Variants in DCLK1 observed in about 807,000 individuals in gnomAD.
DCLK1 encodes doublecortin like kinase 1, also known as serine/threonine-protein kinase DCLK1.
Under a neutral mutation model 86.2 loss-of-function variants are expected in DCLK1, and 16 were observed. The observed-to-expected ratio is 0.19, with a 90% CI of 0.13 to 0.28. The LOEUF (loss-of-function observed/expected upper bound fraction) is 0.28. Ranked by LOEUF, DCLK1 falls within the 10% of genes least tolerant of loss-of-function variation. The pLI, the probability that DCLK1 is intolerant of heterozygous loss-of-function variation, is 1.00. For synonymous variants in DCLK1, 369 were observed against 370.5 expected, an observed-to-expected ratio of 1.00 and a Z score of 0.05; for missense variants, 590 against 940.2, an observed-to-expected ratio of 0.63 and a Z score of 4.87.
chr13:35,913,257 TA>T (rs909739444), intron 4 of DCLK1, among the ~76,000 whole-genome samples: 113 of 152,292 alleles, frequency 7.4e-4, no homozygotes, highest in African/African-American at 2.6e-3. Context: ...AAAGCACTAT[TA>T]ATGCAGGGTC....
chr13:35,881,609 C>A (rs1872907186), intron 4 of DCLK1, among the ~76,000 whole-genome samples: 1 of 152,182 alleles, frequency 6.6e-6, no homozygotes, highest in Non-Finnish European at 1.5e-5. Flanking sequence ...TAGCTGACTG[C>A]AGCACTTGGC....
chr13:36,088,536 G>A lies in DCLK1; in HGVS notation c.723+23333C>T, dbSNP rs115758797. Among the ~76,000 whole-genome samples, 492 of 152,348 alleles carry A rather than the reference G, an allele frequency of 3.2e-3. 3 individuals carry two copies. Among genetic ancestry groups the A allele is most frequent in the African/African-American group, 0.011 (465 of 41,566 alleles). Reference sequence around the variant, plus strand: ...GAAAGGACAGGCTCTTTTCTGTATTGAGAAAGAAGTGGCATAGGGTAGAGA... The same window carrying A: ...GAAAGGACAGGCTCTTTTCTGTATTAAGAAAGAAGTGGCATAGGGTAGAGA... On this transcript the variant is annotated intron_variant, in intron 3 of 16. Transcript: ENST00000360631.
At chr13:35,953,137 A>C (rs144617014) in intron 3 of DCLK1, among the ~76,000 whole-genome samples, 51 of 152,372 alleles carry the variant, frequency 3.3e-4, no homozygotes, top group Middle Eastern at 3.4e-3. Context: ...TTCAATATAC[A>C]TGATAACACT....
Position 36,112,219 on chromosome 13 carries a change from A to G in DCLK1, c.377-4T>C. 1 of 1,533,082 alleles carries G rather than the reference A, an allele frequency of 6.5e-7. No homozygotes were observed. Among genetic ancestry groups the G allele is most frequent in the Admixed American group, 2.0e-5 (1 of 48,842 alleles). 95.0% of individuals were successfully genotyped at this position (1,533,082 alleles called of 1,614,324 possible). A position where few individuals can be genotyped will look rare whatever the true frequency, so the allele number is the denominator to read the frequency against. ...GAGCCACATACATAACTCTCTCCTA[A>G]GGAAGAGAGAAATATATTTAAATTT... On this transcript the variant is annotated splice_region_variant and splice_polypyrimidine_tract_variant and intron_variant, in intron 2 of 16. Coordinates refer to ENST00000360631, the MANE Select transcript of DCLK1 (RefSeq NM_001330071.2).
At chr13:35,867,899 G>A (rs1240499313) in intron 5 of DCLK1, among the ~76,000 whole-genome samples, 4 of 75,040 alleles carry the variant, frequency 5.3e-5, no homozygotes, top group Admixed American at 1.5e-4. Context: ...GAGAAAGAGA[G>A]AAAGAAAGAA....
intron 4 of DCLK1, among the ~76,000 whole-genome samples, chr13:35,917,641 A>C (rs889461325): frequency 6.6e-6 from 1 of 152,206 alleles, no homozygotes; most frequent in African/African-American, 2.4e-5. Context: ...ACAACAACTG[A>C]AAACAAAAAG....
At position 36,079,950 on chromosome 13, in the gene DCLK1, A is replaced by G. The variant is rs138869778; in HGVS notation, c.723+31919T>C. On this transcript the variant is annotated intron_variant, in intron 3 of 16. Coordinates refer to ENST00000360631, the MANE Select transcript of DCLK1 (RefSeq NM_001330071.2). ...AAAAATGGTGCAGCACATACATCAC[A>G]CATTACTTATCCTTACCAATGACAT... Among the ~76,000 whole-genome samples the G allele has an allele frequency of 1.9e-3, 296 of 152,330 alleles. 1 individual carries two copies. Among genetic ancestry groups the G allele is most frequent in the Admixed American group, 4.2e-3 (65 of 15,308 alleles).
chr13:36,064,779 T>TGAAA (rs575950301), intron 3 of DCLK1, among the ~76,000 whole-genome samples: 121 of 151,144 alleles, frequency 8.0e-4, no homozygotes, highest in African/African-American at 2.9e-3. Flanking sequence ...TAATGAAACA[T>TGAAA]GAAAGTTCAG....
At chr13:36,089,399 A>T (rs1273112597) in intron 3 of DCLK1, among the ~76,000 whole-genome samples, 1 of 152,166 alleles carries the variant, frequency 6.6e-6, no homozygotes, top group African/African-American at 2.4e-5. Context: ...TTGTGCAGTT[A>T]ATATAACTCT....
chr13:36,036,135 A>G (rs1263468113), intron 3 of DCLK1, among the ~76,000 whole-genome samples: 1 of 152,112 alleles, frequency 6.6e-6, no homozygotes, highest in Non-Finnish European at 1.5e-5. Context: ...CCATTGCCAT[A>G]ACACCCATAA....
chr13:36,126,221 T>A (rs910258718), intron 1 of DCLK1, 65 bp from the exon 2 acceptor site: 31 of 1,268,956 alleles, frequency 2.4e-5, no homozygotes, highest in East Asian at 1.3e-4. Flanking sequence ...ATATATATTT[T>A]TTTGTTTTTG....
intron 4 of DCLK1, among the ~76,000 whole-genome samples, chr13:35,914,373 A>ACG (rs1875272631): frequency 1.1e-4 from 4 of 36,724 alleles, no homozygotes; most frequent in Non-Finnish European, 1.9e-4. Context: ...ATATATGTAT[A>ACG]TATATATATA....
chr13:36,104,740 G>A (rs758807465), intron 3 of DCLK1, among the ~76,000 whole-genome samples: 10 of 151,994 alleles, frequency 6.6e-5, no homozygotes, highest in Admixed American at 2.0e-4. Context: ...GGAATGACCT[G>A]TACCATTGAA....
At chr13:36,073,974 A>C (rs1210676476) in intron 3 of DCLK1, among the ~76,000 whole-genome samples, 2 of 152,216 alleles carry the variant, frequency 1.3e-5, no homozygotes, top group Admixed American at 1.3e-4. Context: ...GCCAATACAG[A>C]AAATGTGGGT....
intron 5 of DCLK1, among the ~76,000 whole-genome samples, chr13:35,868,526 A>C (rs997411870): frequency 6.6e-6 from 1 of 152,236 alleles, no homozygotes; most frequent in Non-Finnish European, 1.5e-5. Flanking sequence ...AAGGTTAAGT[A>C]AAATTTAAGT....
chr13:35,795,406 A>T (rs1228470971), intron 15 of DCLK1, among the ~76,000 whole-genome samples: 1 of 152,248 alleles, frequency 6.6e-6, no homozygotes, highest in African/African-American at 2.4e-5. Context: ...CTTCATCTCC[A>T]TTAGGAATAG....
chr13:35,964,351 A>C (rs561895014), intron 3 of DCLK1, among the ~76,000 whole-genome samples: 1 of 152,376 alleles, frequency 6.6e-6, no homozygotes, highest in East Asian at 1.9e-4. Context: ...TGAAACCATA[A>C]GAATTCCAGG....
At chr13:35,808,049 C>A (rs2087065357) in intron 14 of DCLK1, among the ~76,000 whole-genome samples, 175 bp downstream of exon 14, 1 of 152,186 alleles carries the variant, frequency 6.6e-6, no homozygotes, top group South Asian at 2.1e-4. Flanking sequence ...GTTGGGATGT[C>A]TGGGAACAGA....
chr13:35,847,484 G>T (rs992292619), intron 6 of DCLK1: 4 of 984,958 alleles, frequency 4.1e-6, no homozygotes, highest in Non-Finnish European at 4.8e-6. Context: ...CCAAACACCT[G>T]TATAGATATA....
Sources: gnomAD v4.1 joint callset for allele counts (sites outside exome capture counted in the v4.1 genomes callset) on GRCh38, gnomAD v4.1.1 for gene constraint, MANE v1.5 for transcripts, NCBI Gene and HGNC (gene_info 2026-07-23, HGNC 2026-07-21) for gene names.